SFTPD: variants seen among roughly 807,000 people sequenced by gnomAD.
The protein encoded by SFTPD is surfactant protein D.
In SFTPD, 18 loss-of-function variants were observed where a neutral mutation model predicts 34.6. The observed-to-expected ratio is 0.52, with a 90% CI of 0.36 to 0.77. The LOEUF is 0.77. SFTPD is among the 30% of genes least tolerant of loss of function. The pLI, the probability that SFTPD is intolerant of heterozygous loss-of-function variation, is 0.00. For missense variants in SFTPD, 433 were observed against 468.9 expected (o/e 0.92, Z 0.71); for synonymous variants, 155 against 180.9 (o/e 0.86, Z 1.15).
At chr10:79,975,141 G>A (rs1842857685) in intron 1 of SFTPD, among the ~76,000 whole-genome samples, 2 of 152,142 alleles carry the variant, frequency 1.3e-5, no homozygotes, top group African/African-American at 2.4e-5. Flanking sequence ...CTAGAACTAA[G>A]AGCAGTCGCT....
chr10:79,981,301 AAAT>A (rs1245772111), intron 1 of SFTPD, among the ~76,000 whole-genome samples: 1 of 152,216 alleles, frequency 6.6e-6, no homozygotes, highest in Non-Finnish European at 1.5e-5. Flanking sequence ...AGAAAAAAGA[AAAT>A]AATGAAATTT....
chr10:79,982,231 C>T (rs1161331852), intron 1 of SFTPD: 13 of 720,030 alleles, frequency 1.8e-5, no homozygotes, highest in Non-Finnish European at 2.1e-5. Context: ...CCAGTAGCAA[C>T]GGAGGAGCCA....
At chr10:79,982,010 A>C in intron 1 of SFTPD, 2 of 288,578 alleles carry the variant, frequency 6.9e-6, no homozygotes, top group East Asian at 9.1e-5. Flanking sequence ...CTCCCCAGGA[A>C]GAGCGCGCCG....
At chr10:79,981,887 C>A in intron 1 of SFTPD, 1 of 263,176 alleles carries the variant, frequency 3.8e-6, no homozygotes, top group South Asian at 3.5e-5. Context: ...ACACCTGAGC[C>A]GCCTCTTCCT....
intron 7 of SFTPD, among the ~76,000 whole-genome samples, chr10:79,939,485 G>C (rs1842590404): frequency 1.3e-5 from 2 of 152,214 alleles, no homozygotes; most frequent in South Asian, 4.1e-4. Flanking sequence ...AAGGTACGTG[G>C]GAGTATGTAA....
intron 1 of SFTPD, among the ~76,000 whole-genome samples, chr10:79,976,827 C>T (rs1842866407): frequency 6.6e-6 from 1 of 152,154 alleles, no homozygotes; most frequent in African/African-American, 2.4e-5. Context: ...TCCCAGAATT[C>T]CCACATGTTG....
At chr10:79,946,977 T>C (rs1842672220) in intron 1 of SFTPD, among the ~76,000 whole-genome samples, 1 of 152,214 alleles carries the variant, frequency 6.6e-6, no homozygotes, top group Non-Finnish European at 1.5e-5. Flanking sequence ...GGATGTAGCA[T>C]TCCTCACTGG....
chr10:79,976,199 G>A (rs1188631097), intron 1 of SFTPD, among the ~76,000 whole-genome samples: 2 of 152,200 alleles, frequency 1.3e-5, no homozygotes, highest in East Asian at 3.9e-4. Flanking sequence ...GTTCTGAAAG[G>A]AAAGAGTGAC....
chr10:79,976,956 C>G (rs1166517122), intron 1 of SFTPD, among the ~76,000 whole-genome samples: 1 of 152,078 alleles, frequency 6.6e-6, no homozygotes, highest in Non-Finnish European at 1.5e-5. Flanking sequence ...TCTGCTTTTC[C>G]TTCTTCCTCA....
In SFTPD at chr10:79,957,297, C is replaced by T. The variant is rs528675232; in HGVS notation, c.37-10635G>A. ...TCACCAACAACGGAACAAAGCTGGA[C>T]GGAGAATGACTTTGATGAGCTGAGA... On this transcript the variant is annotated intron_variant, in intron 1 of 5. Transcript: ENST00000444384. Among the ~76,000 whole-genome samples, 14 of 152,254 alleles carry T rather than the reference C, an allele frequency of 9.2e-5. No homozygotes were observed. In the South Asian group the frequency reaches 1.0e-3, roughly 11 times the overall value.
chr10:79,955,204 C>G lies in SFTPD; in HGVS notation c.37-8542G>C, dbSNP rs556450110. ...GTCTGATCACCCCAACACCAAGGAGCTGGAACCTTTTACTTGGATCCCAAA... is the reference window on the plus strand; with the variant it reads ...GTCTGATCACCCCAACACCAAGGAGGTGGAACCTTTTACTTGGATCCCAAA... On this transcript the variant is annotated intron_variant, in intron 1 of 5. Transcript: ENST00000444384. Among the ~76,000 whole-genome samples the G allele has an allele frequency of 7.2e-5, 11 of 152,150 alleles. 1 individual carries two copies. The South Asian group carries it at 1.0e-3, about 14-fold the overall frequency.
chr10:79,957,378 A>G (rs1418274102), intron 1 of SFTPD, among the ~76,000 whole-genome samples: 4 of 152,178 alleles, frequency 2.6e-5, no homozygotes, highest in Non-Finnish European at 4.4e-5. Context: ...ATTCAAACCA[A>G]TGGCAAAGAA....
intron 7 of SFTPD, among the ~76,000 whole-genome samples, chr10:79,940,342 G>A (rs1307236580): frequency 6.6e-6 from 1 of 152,210 alleles, no homozygotes; most frequent in East Asian, 1.9e-4. Context: ...TTATCTCAGG[G>A]CACAGGTGGC....
chr10:79,982,319 C>G, intron 1 of SFTPD: 1 of 968,532 alleles, frequency 1.0e-6, no homozygotes. Context: ...TGGGCACCAG[C>G]CCAGCGCCTC....
chr10:79,941,441 G>T lies in SFTPD; in HGVS notation c.624C>A (p.Gly208=). The T allele has an allele frequency of 6.2e-7, 1 of 1,614,016 alleles. No homozygotes were observed. ...CCTTTGCTCCTTTGTCTCCAGGAAT[G>T]CCTTTGTCCCCCTTCAATCCCGGGG... ...RGPPGLKGDK[G]IPGDKGAKGE... Residue 208 remains glycine (G), a synonymous_variant, in exon 6 of 8, where the codon GGC becomes GGA. Coordinates refer to ENST00000372292, the MANE Select transcript of SFTPD (RefSeq NM_003019.5).
At chr10:79,946,079 G>A (rs1264240692) in intron 2 of SFTPD, among the ~76,000 whole-genome samples, 2 of 150,966 alleles carry the variant, frequency 1.3e-5, no homozygotes, top group Non-Finnish European at 2.9e-5. Context: ...CACCCTTCAT[G>A]CAGTAGTGTT....
rs1011081073 is a variant in SFTPD, at chr10:79,940,806, G to A, written c.668-18C>T. ...AGCAACATCTGGAGGGGAGAAAATG[G>A]CCAAGTAAAGACTTGTCCAGAGAGC... On this transcript the variant is annotated intron_variant, in intron 6 of 7. Coordinates refer to ENST00000372292, the MANE Select transcript of SFTPD (RefSeq NM_003019.5). 2.6e-6 allele frequency: 4 copies of A among 1,555,664 alleles called. No individual in the cohort carries two copies. Among genetic ancestry groups the A allele is most frequent in the South Asian group, 1.1e-5 (1 of 89,880 alleles).
upstream of SFTPD, among the ~76,000 whole-genome samples, chr10:79,952,566 C>T (rs149156548): frequency 4.0e-4 from 61 of 152,242 alleles, no homozygotes; most frequent in Non-Finnish European, 5.3e-4. Context: ...CAAAGGAGTA[C>T]GTTGGCACAG....
chr10:79,974,072 C>G (rs1286086815), intron 1 of SFTPD, among the ~76,000 whole-genome samples: 1 of 152,162 alleles, frequency 6.6e-6, no homozygotes, highest in Non-Finnish European at 1.5e-5. Context: ...ATCACAGATT[C>G]CCCTTAAATA....
Sources: gnomAD v4.1 joint callset for allele counts (sites outside exome capture counted in the v4.1 genomes callset) on GRCh38, gnomAD v4.1.1 for gene constraint, MANE v1.5 for transcripts, NCBI Gene and HGNC (gene_info 2026-07-23, HGNC 2026-07-21) for gene names.